Variants in AKAP9 observed in about 807,000 individuals in gnomAD.
AKAP9 encodes A-kinase anchor protein 9.
Under a neutral mutation model 488.5 loss-of-function variants are expected in AKAP9, and 311 were observed. The ratio of observed to expected loss-of-function variants is 0.64; its 90% CI spans 0.58 to 0.70. AKAP9 has a LOEUF of 0.70. Ranked by LOEUF, AKAP9 falls within the 30% of genes least tolerant of loss-of-function variation. The pLI, the probability that AKAP9 is intolerant of heterozygous loss-of-function variation, is 0.00. For synonymous variants in AKAP9, 1,462 were observed against 1,483.5 expected (o/e 0.99, Z 0.33); for missense variants, 4,215 against 4,374.5 (o/e 0.96, Z 1.03).
At chr7:91,991,820 A>G (rs1237152624) in intron 3 of AKAP9, among the ~76,000 whole-genome samples, 2 of 152,202 alleles carry the variant, frequency 1.3e-5, no homozygotes, top group East Asian at 3.9e-4. Context: ...AATTATTTGA[A>G]CCATTTTAAG....
chr7:92,034,025 A>G (rs906731696), intron 16 of AKAP9, among the ~76,000 whole-genome samples: 1 of 152,216 alleles, frequency 6.6e-6, no homozygotes, highest in African/African-American at 2.4e-5. Flanking sequence ...AGGAAAATCC[A>G]TGGGGAGTGA....
intron 2 of AKAP9, among the ~76,000 whole-genome samples, chr7:91,977,279 G>A (rs965303444): frequency 4.7e-5 from 7 of 150,116 alleles, no homozygotes; most frequent in Non-Finnish European, 3.0e-5. Flanking sequence ...CACAAGGGCC[G>A]GGCGCGGTGG....
chr7:92,044,609 A>G (rs1486954821), intron 20 of AKAP9, among the ~76,000 whole-genome samples: 1 of 152,220 alleles, frequency 6.6e-6, no homozygotes, highest in Non-Finnish European at 1.5e-5. Flanking sequence ...ATACATATGT[A>G]TAACCATGGG....
chr7:91,953,816 C>A (rs1253754061), intron 1 of AKAP9, among the ~76,000 whole-genome samples: 1 of 95,288 alleles, frequency 1.0e-5, no homozygotes, highest in Admixed American at 1.1e-4. Context: ...CCCCCCGCCC[C>A]CCACCACACA....
intron 21 of AKAP9, 98 bp from the exon 22 acceptor site, chr7:92,052,628 A>G (rs1808175370): frequency 6.0e-6 from 5 of 834,482 alleles, no homozygotes; most frequent in South Asian, 5.4e-5. Flanking sequence ...AGACCTTACA[A>G]TTTCCATGAT....
intron 8 of AKAP9, among the ~76,000 whole-genome samples, chr7:92,008,378 A>G (rs1032171581): frequency 1.4e-5 from 2 of 147,512 alleles, no homozygotes; most frequent in Non-Finnish European, 1.5e-5. Flanking sequence ...GAAAACACTA[A>G]AAGTATTAGA....
At chr7:92,075,198 A>G (rs940908360) in intron 28 of AKAP9, among the ~76,000 whole-genome samples, 3 of 152,202 alleles carry the variant, frequency 2.0e-5, no homozygotes, top group African/African-American at 7.2e-5. Flanking sequence ...CTGAATAGCA[A>G]GGCTTCATGT....
chr7:91,965,424 GT>G (rs1391936186), intron 1 of AKAP9, among the ~76,000 whole-genome samples: 4 of 151,866 alleles, frequency 2.6e-5, no homozygotes, highest in African/African-American at 9.7e-5. Flanking sequence ...TTCTTTATCC[GT>G]TTATCAATTG....
intron 20 of AKAP9, among the ~76,000 whole-genome samples, chr7:92,044,376 G>A (rs1266730143): frequency 2.0e-5 from 3 of 151,934 alleles, no homozygotes; most frequent in East Asian, 1.9e-4. Context: ...TAATAAAAAC[G>A]GCCTATGATA....
chr7:92,056,350 T>A (rs1339275037), intron 22 of AKAP9, among the ~76,000 whole-genome samples: 1 of 150,758 alleles, frequency 6.6e-6, no homozygotes, highest in African/African-American at 2.4e-5. Context: ...AAGAGTGTTT[T>A]AAGAGGTATT....
chr7:92,107,374 C>T lies in AKAP9; in HGVS notation c.11498C>T (p.Ser3833Leu), dbSNP rs869025357. 8 of 1,613,578 alleles carry T rather than the reference C, an allele frequency of 5.0e-6. No homozygotes were observed. The highest frequency in any genetic ancestry group is 6.8e-6 in the Non-Finnish European group (8 of 1,179,792). The change falls in exon 48 of 50, where the codon TCA becomes TTA. Residue 3833 changes from serine to leucine, a missense_variant. Ser to Leu is a moderately radical substitution (Grantham distance 145). This residue lies in a region of AKAP9 where 253 missense variants were observed against 266.8 expected (regional missense o/e 0.95). Coordinates refer to ENST00000356239, the MANE Select transcript of AKAP9 (RefSeq NM_005751.5). ...GAACCAAGACATACTACGTATCGCT[C>T]AAGATCAGATCTGGACTATATTAGG... ...YGEPRHTTYR[S>L]RSDLDYIRSP...
At chr7:92,005,132 G>C (rs376937998) in intron 8 of AKAP9, among the ~76,000 whole-genome samples, 32 of 152,282 alleles carry the variant, frequency 2.1e-4, no homozygotes, top group African/African-American at 7.7e-4. Flanking sequence ...ACTGATTTGC[G>C]TATGTTGAAC....
chr7:92,092,552 T>G (rs1247690587), intron 38 of AKAP9: 3 of 152,366 alleles, frequency 2.0e-5, no homozygotes, highest in Non-Finnish European at 4.4e-5. Flanking sequence ...ATGTATTCTC[T>G]TAAACTTTTA....
At chr7:92,100,200 G>C (rs1301443676) in intron 44 of AKAP9, among the ~76,000 whole-genome samples, 9 of 152,088 alleles carry the variant, frequency 5.9e-5, no homozygotes, top group African/African-American at 2.2e-4. Context: ...TTGCTACCTA[G>C]GGACCAACAA....
intron 24 of AKAP9, chr7:92,063,432 C>CTTTTTTTTTT (rs35933206): frequency 1.2e-6 from 1 of 837,830 alleles, no homozygotes. Context: ...TTTGTTGTGT[C>CTTTTTTTTTT]TTTTTTTTTT....
Position 92,085,781 on chromosome 7 carries a change from G to C in AKAP9, c.9024+95G>C, listed in dbSNP as rs1814448997. ...TAAATTATCTTTTATACATATTTTT[G>C]CATGAATAACTATATATATATATTT... On this transcript the variant is annotated intron_variant, in intron 36 of 49. Coordinates refer to ENST00000356239, the MANE Select transcript of AKAP9 (RefSeq NM_005751.5). 3 of 978,324 alleles carry C rather than the reference G, an allele frequency of 3.1e-6. No individual in the cohort carries two copies. In the Admixed American group the frequency reaches 7.6e-5, roughly 25 times the overall value. The allele number at this position is 978,324 out of a possible 1,614,324, so 60.6% of individuals were successfully genotyped here. A position where few individuals can be genotyped will look rare whatever the true frequency, so the allele number is the denominator to read the frequency against.
In AKAP9 at chr7:92,013,877, T is replaced by A. The variant is rs200472343; in HGVS notation, c.3533-372T>A. Among the ~76,000 whole-genome samples the A allele has an allele frequency of 1.4e-3, 158 of 114,826 alleles. 4 individuals are homozygous for A. The highest frequency in any genetic ancestry group is 7.9e-3 in the South Asian group (29 of 3,694). The allele number at this position is 114,826 out of a possible 152,430, so 75.3% of individuals were successfully genotyped here. A position where few individuals can be genotyped will look rare whatever the true frequency, so the allele number is the denominator to read the frequency against. ...GTTTAGTGAGTAATGATCAACATTT[T>A]TAAAAAAAAAAACAAAGTAGAACAG... is the stretch of plus-strand genomic sequence containing the variant. On this transcript the variant is annotated intron_variant, in intron 9 of 49. Transcript: ENST00000356239.
chr7:92,041,918 G>C, intron 18 of AKAP9, 128 bp from the exon 19 acceptor site: 1 of 979,854 alleles, frequency 1.0e-6, no homozygotes, highest in Non-Finnish European at 1.5e-6. Flanking sequence ...AACCCCTTAC[G>C]ATGGAATATG....
intron 39 of AKAP9, 70 bp from the exon 40 acceptor site, chr7:92,094,953 G>C: frequency 6.8e-7 from 1 of 1,462,506 alleles, no homozygotes; most frequent in Non-Finnish European, 9.5e-7. Flanking sequence ...AGTAGAAGCT[G>C]TTTTTCTCTC....
Sources: allele counts gnomAD v4.1 joint callset (sites outside exome capture counted in the v4.1 genomes callset), GRCh38; gene constraint gnomAD v4.1.1; regional missense constraint gnomAD v4.1.1; transcripts MANE v1.5; gene names NCBI Gene and HGNC (gene_info 2026-07-23, HGNC 2026-07-21).